SEC24B: variants seen among roughly 807,000 people sequenced by gnomAD.
SEC24B encodes SEC24 homolog B, COPII component.
A neutral mutation model predicts 142.8 loss-of-function variants in SEC24B; 45 were observed. The ratio of observed to expected loss-of-function variants is 0.32; its 90% CI spans 0.25 to 0.40. The LOEUF is 0.40. SEC24B is among the 10% of genes least tolerant of loss of function. The probability of loss-of-function intolerance (pLI) is 1.00; values close to 1 mark genes in which losing one functional copy is unlikely to be tolerated. For synonymous variants in SEC24B, 574 were observed against 568.2 expected (o/e 1.01, Z -0.15); for missense variants, 1,409 against 1,526.8 (o/e 0.92, Z 1.29).
intron 5 of SEC24B, among the ~76,000 whole-genome samples, chr4:109,494,371 T>TA (rs980983457): frequency 1.3e-5 from 2 of 151,680 alleles, no homozygotes; most frequent in East Asian, 1.9e-4. Flanking sequence ...TAAAAAGGAA[T>TA]AAAAAAAAGA....
intron 4 of SEC24B, among the ~76,000 whole-genome samples, chr4:109,483,004 AT>A (rs1209662973): frequency 1.1e-5 from 1 of 94,282 alleles, no homozygotes; most frequent in Admixed American, 9.7e-5. Flanking sequence ...ACACACACAC[AT>A]ATTATACATA....
intron 6 of SEC24B, among the ~76,000 whole-genome samples, chr4:109,504,081 C>T (rs943779998): frequency 2.0e-5 from 3 of 152,002 alleles, no homozygotes; most frequent in African/African-American, 4.8e-5. Flanking sequence ...TTTTCCTTAA[C>T]ATCACCACCT....
chr4:109,499,642 A>G (rs1400824036), intron 6 of SEC24B, among the ~76,000 whole-genome samples: 2 of 152,140 alleles, frequency 1.3e-5, no homozygotes, highest in African/African-American at 2.4e-5. Context: ...CCTGTCAACT[A>G]TTGACTTTGT....
chr4:109,460,180 C>T (rs1226965521), intron 1 of SEC24B, among the ~76,000 whole-genome samples: 6 of 151,936 alleles, frequency 3.9e-5, no homozygotes, highest in Non-Finnish European at 8.8e-5. Flanking sequence ...TTTATGCTGG[C>T]CGTAGAATAT....
intron 3 of SEC24B, among the ~76,000 whole-genome samples, chr4:109,475,805 C>G (rs1331281783): frequency 6.6e-6 from 1 of 151,964 alleles, no homozygotes; most frequent in African/African-American, 2.4e-5. Flanking sequence ...ATCCCCTTTC[C>G]TTAATGTAAT....
Position 109,521,480 on chromosome 4 carries a change from A to G in SEC24B, c.2362A>G (p.Ser788Gly). The stretch of plus-strand genomic sequence containing the variant: ...GTTCACCAATACAAGAGAAACACAC[A>G]GTGCCCTTGGTCCTGCACTTCAGGC... ...NMFTNTRETH[S>G]ALGPALQAAF... Residue 788 changes from serine (S) to glycine (G), a missense_variant, in exon 14 of 24, where the codon AGT becomes GGT. Coordinates refer to ENST00000265175, the MANE Select transcript of SEC24B (RefSeq NM_006323.5). The G allele has an allele frequency of 1.2e-6, 2 of 1,614,222 alleles. No individual in the cohort carries two copies. The highest frequency in any genetic ancestry group is 1.7e-6 in the Non-Finnish European group (2 of 1,180,034).
chr4:109,449,638 C>T, intron 1 of SEC24B: 1 of 397,152 alleles, frequency 2.5e-6, no homozygotes, highest in Non-Finnish European at 5.0e-6. Context: ...GCTCACATGG[C>T]CTTTTCTTGG....
intron 6 of SEC24B, among the ~76,000 whole-genome samples, chr4:109,496,193 A>G (rs1041177623): frequency 1.3e-5 from 2 of 151,862 alleles, no homozygotes; most frequent in African/African-American, 4.8e-5. Flanking sequence ...GCTCACTGCA[A>G]CCTCCGCCTA....
rs544573239 is a variant in SEC24B at position 109,470,477 on chromosome 4, C to G, written c.878-2527C>G. Among the ~76,000 whole-genome samples, 4 of 152,320 alleles carry G rather than the reference C, an allele frequency of 2.6e-5. No individual in the cohort carries two copies. The South Asian group carries it at 6.2e-4, about 24-fold the overall frequency. On this transcript the variant is annotated intron_variant, in intron 2 of 23. Coordinates refer to ENST00000265175, the MANE Select transcript of SEC24B (RefSeq NM_006323.5). ...AATGATTTTTGTTTGAGATACTGGA[C>G]AAAGAGACTAGTCTGCTTTCTAGGC...
chr4:109,457,084 A>G lies in SEC24B; in HGVS notation c.134-5817A>G, dbSNP rs191613585. 2.3e-3 allele frequency among the ~76,000 whole-genome samples: 344 copies of G among 150,942 alleles called. 1 individual carries two copies. Among genetic ancestry groups the G allele is most frequent in the Non-Finnish European group, 4.3e-3 (291 of 67,992 alleles). ...CAGTGAAAAAGGCAAATATCATCTT[A>G]GTACTGTTATGAAAATAGTTTTTAC... On this transcript the variant is annotated intron_variant, in intron 1 of 23. Coordinates refer to ENST00000265175, the MANE Select transcript of SEC24B (RefSeq NM_006323.5).
chr4:109,501,131 C>T (rs1367271328), intron 6 of SEC24B, among the ~76,000 whole-genome samples: 1 of 152,140 alleles, frequency 6.6e-6, no homozygotes, highest in African/African-American at 2.4e-5. Flanking sequence ...GCAAGTGTAC[C>T]ATTTTGTATC....
At position 109,539,926 on chromosome 4, in the gene SEC24B, A is replaced by G; in HGVS notation, c.*251A>G. 2 of 437,132 alleles carry G rather than the reference A, an allele frequency of 4.6e-6. No individual in the cohort carries two copies. Among genetic ancestry groups the G allele is most frequent in the Non-Finnish European group, 4.1e-6 (1 of 246,170 alleles). 27.1% of individuals were successfully genotyped at this position (437,132 alleles called of 1,614,324 possible). A position where few individuals can be genotyped will look rare whatever the true frequency, so the allele number is the denominator to read the frequency against. On this transcript the variant is annotated 3_prime_UTR_variant, in exon 24 of 24. Coordinates refer to ENST00000265175, the MANE Select transcript of SEC24B (RefSeq NM_006323.5). ...GAATTGGTTTCTACACATTTCCAGT[A>G]GTATGGCAGTACAGTGCTCTGTTCA...
chr4:109,445,527 C>T (rs1561061869), intron 1 of SEC24B, among the ~76,000 whole-genome samples: 1 of 151,484 alleles, frequency 6.6e-6, no homozygotes, highest in Non-Finnish European at 1.5e-5. Flanking sequence ...GCTGGGATTA[C>T]AGGCGTGAGC....
chr4:109,471,310 A>G (rs369751244), intron 2 of SEC24B, among the ~76,000 whole-genome samples: 6 of 151,950 alleles, frequency 3.9e-5, no homozygotes, highest in African/African-American at 1.4e-4. Context: ...TGCCCGACTA[A>G]TTTTTGTATT....
intron 1 of SEC24B, among the ~76,000 whole-genome samples, chr4:109,440,132 AAAG>A (rs1429352825): frequency 2.0e-5 from 3 of 152,028 alleles, no homozygotes; most frequent in Non-Finnish European, 4.4e-5. Flanking sequence ...AAAAAAAAAA[AAAG>A]ATCTTAAAGT....
rs369541014 is a variant in SEC24B at position 109,496,624 on chromosome 4, C to T, written c.1488+1768C>T. On this transcript the variant is annotated intron_variant, in intron 6 of 23. Coordinates refer to ENST00000265175, the MANE Select transcript of SEC24B (RefSeq NM_006323.5). ...AGGAGTTTGAATCTTGCCTGGGTGA[C>T]ATACCAAGAGCCCATCTTGAGCAGG... Among the ~76,000 whole-genome samples the T allele has an allele frequency of 1.4e-4, 21 of 152,132 alleles. No individual in the cohort carries two copies. In the East Asian group the frequency reaches 2.7e-3, roughly 20 times the overall value.
intron 1 of SEC24B, among the ~76,000 whole-genome samples, chr4:109,452,356 G>A (rs1374422729): frequency 6.6e-6 from 1 of 152,106 alleles, no homozygotes; most frequent in Non-Finnish European, 1.5e-5. Flanking sequence ...CCAGTGTTTG[G>A]TAGTTATAAA....
intron 1 of SEC24B, among the ~76,000 whole-genome samples, chr4:109,456,060 G>A (rs564399897): frequency 6.6e-6 from 1 of 152,132 alleles, no homozygotes; most frequent in East Asian, 1.9e-4. Flanking sequence ...TTTCATCAGC[G>A]TTTTGTAGTT....
At chr4:109,530,202 T>G (rs1178968916) in intron 18 of SEC24B, 87 bp from the exon 19 acceptor site, 21 of 1,183,208 alleles carry the variant, frequency 1.8e-5, no homozygotes, top group Non-Finnish European at 2.4e-5. Context: ...GAATTTTGTT[T>G]CTTAAATAAT....
Sources: allele counts gnomAD v4.1 joint callset (sites outside exome capture counted in the v4.1 genomes callset), GRCh38; gene constraint gnomAD v4.1.1; transcripts MANE v1.5; gene names NCBI Gene and HGNC (gene_info 2026-07-23, HGNC 2026-07-21).